Variants in CNOT2 observed in about 807,000 individuals in gnomAD.
The protein encoded by CNOT2 is CCR4-NOT transcription complex subunit 2, also known as CC chemokine receptor 4-negative regulator of transcription 2.
A neutral mutation model predicts 72.1 loss-of-function variants in CNOT2; 7 were observed. The observed-to-expected ratio is 0.10, with a 90% confidence interval of 0.06 to 0.18. CNOT2 has a LOEUF of 0.18. CNOT2 is among the 10% of genes least tolerant of loss of function. CNOT2 has a pLI of 1.00. For synonymous variants in CNOT2, 196 were observed against 225.6 expected, an observed-to-expected ratio of 0.87 and a Z score of 1.17; for missense variants, 345 against 660.3, an observed-to-expected ratio of 0.52 and a Z score of 5.23.
intron 4 of CNOT2, among the ~76,000 whole-genome samples, chr12:70,325,813 A>C (rs767269132): frequency 6.6e-6 from 1 of 151,858 alleles, no homozygotes; most frequent in Non-Finnish European, 1.5e-5. Flanking sequence ...TTAAGGCATC[A>C]GTTAAGGACT....
At chr12:70,327,587 C>T (rs568836682) in intron 4 of CNOT2, 5 of 151,522 alleles carry the variant, frequency 3.3e-5, no homozygotes, top group South Asian at 2.1e-4. Flanking sequence ...AGATCCCTTC[C>T]GGCTCTAAAA....
At chr12:70,315,139 C>T (rs1422487488) in intron 3 of CNOT2, among the ~76,000 whole-genome samples, 2 of 152,166 alleles carry the variant, frequency 1.3e-5, no homozygotes, top group Non-Finnish European at 2.9e-5. Context: ...GCTGGGATTA[C>T]AGGTGTGAGC....
At chr12:70,337,292 C>A in intron 8 of CNOT2, 97 bp from the exon 9 acceptor site, 2 of 991,386 alleles carry the variant, frequency 2.0e-6, no homozygotes, top group Non-Finnish European at 3.0e-6. Flanking sequence ...AAAAAGAAAC[C>A]TTTTGGTGTA....
At chr12:70,335,934 T>C (rs1880621264) in intron 8 of CNOT2, 1 of 164,412 alleles carries the variant, frequency 6.1e-6, no homozygotes, top group African/African-American at 2.4e-5. Flanking sequence ...TGGTGATTAA[T>C]AATGACTGAC....
intron 3 of CNOT2, among the ~76,000 whole-genome samples, chr12:70,317,061 T>G (rs1877463034): frequency 6.6e-6 from 1 of 152,178 alleles, no homozygotes; most frequent in Admixed American, 6.6e-5. Flanking sequence ...CTGTACTTTT[T>G]CATTTATAGC....
intron 11 of CNOT2, among the ~76,000 whole-genome samples, chr12:70,340,780 C>G (rs1353339125): frequency 6.6e-6 from 1 of 152,002 alleles, no homozygotes; most frequent in Admixed American, 6.6e-5. Context: ...TACCCCTTCC[C>G]GTACAATCTC....
In CNOT2 at chr12:70,332,888, A is replaced by G. The variant is rs372797900; in HGVS notation, c.649+42A>G. The G allele has an allele frequency of 2.4e-5, 37 of 1,536,722 alleles. No homozygotes were observed. The African/African-American group carries it at 4.7e-4, about 19-fold the overall frequency. On this transcript the variant is annotated intron_variant, in intron 7 of 15. Transcript: ENST00000229195. Reference sequence around the variant, plus strand: ...GCTAGTACCCTACAAAAAGTATGATAGATTTATGAAATATAAAGCAATTCA... The same window carrying G: ...GCTAGTACCCTACAAAAAGTATGATGGATTTATGAAATATAAAGCAATTCA...
At chr12:70,351,023 T>C (rs982347117) in intron 15 of CNOT2, among the ~76,000 whole-genome samples, 1 of 152,228 alleles carries the variant, frequency 6.6e-6, no homozygotes, top group African/African-American at 2.4e-5. Context: ...TAGCCTAATT[T>C]TATTAATAGA....
chr12:70,346,896 C>T (rs17108033), intron 15 of CNOT2, among the ~76,000 whole-genome samples: 4 of 151,386 alleles, frequency 2.6e-5, no homozygotes, highest in Admixed American at 6.6e-5. Context: ...CCTTTCTAAC[C>T]GTCCCATGTG....
intron 1 of CNOT2, among the ~76,000 whole-genome samples, chr12:70,250,507 C>T (rs891655929): frequency 6.6e-6 from 1 of 151,918 alleles, no homozygotes; most frequent in African/African-American, 2.4e-5. Flanking sequence ...TCTCCACCTT[C>T]ATTAATGTAA....
intron 3 of CNOT2, among the ~76,000 whole-genome samples, chr12:70,318,219 A>G (rs75672246): frequency 0.095 from 14,495 of 151,814 alleles, 897 homozygotes; most frequent in Middle Eastern, 0.19. Flanking sequence ...TTTTATTGCT[A>G]TAGTTGGTAG....
chr12:70,276,248 G>C (rs1388239604), intron 1 of CNOT2, among the ~76,000 whole-genome samples: 1 of 151,896 alleles, frequency 6.6e-6, no homozygotes, highest in Non-Finnish European at 1.5e-5. Flanking sequence ...TAATTAGGTT[G>C]TATTAAAGAT....
Position 70,338,538 on chromosome 12 carries a change from A to G in CNOT2, c.996A>G (p.Lys332=). 6.2e-7 allele frequency: 1 copy of G among 1,613,180 alleles called. No individual in the cohort carries two copies. The highest frequency in any genetic ancestry group is 8.5e-7 in the Non-Finnish European group (1 of 1,179,512). ...SSTTQNNNQQ[K]KGIQVLPDGR... ...CAACACAAAATAATAACCAGCAGAA[A>G]AAAGGGATCCAGGTGTTACCTGATG... Residue 332 remains lysine, a synonymous_variant, in exon 10 of 16, where the codon AAA becomes AAG. Transcript: ENST00000229195.
rs1285850497 is a variant in CNOT2, at chr12:70,341,910, G to C, written c.1179-197G>C. The C allele has an allele frequency of 8.3e-6, 5 of 604,554 alleles. No homozygotes were observed. The East Asian group carries it at 1.1e-4, about 13-fold the overall frequency. 37.4% of individuals were successfully genotyped at this position (604,554 alleles called of 1,614,324 possible). ...CTGTATTGCAAGAATACTGAGGGAA[G>C]GAGTCCTATCATATTTTACAGACAC... is the stretch of plus-strand genomic sequence containing the variant. On this transcript the variant is annotated intron_variant, in intron 11 of 15. Coordinates refer to ENST00000229195, the MANE Select transcript of CNOT2 (RefSeq NM_014515.7).
At chr12:70,277,497 A>G (rs1869045255) in intron 1 of CNOT2, among the ~76,000 whole-genome samples, 1 of 152,166 alleles carries the variant, frequency 6.6e-6, no homozygotes, top group Admixed American at 6.5e-5. Context: ...CTATTGGAGT[A>G]TGCATGAAAT....
chr12:70,264,506 T>G (rs1275874954), intron 1 of CNOT2, among the ~76,000 whole-genome samples: 1 of 152,214 alleles, frequency 6.6e-6, no homozygotes, highest in Non-Finnish European at 1.5e-5. Flanking sequence ...TACCTATCCC[T>G]GTGTGTAACC....
intron 2 of CNOT2, among the ~76,000 whole-genome samples, chr12:70,299,347 A>G (rs1007026109): frequency 6.6e-6 from 1 of 151,508 alleles, no homozygotes; most frequent in South Asian, 2.1e-4. Context: ...AGCATTAGGT[A>G]TAGCTGCTAA....
At chr12:70,244,248 C>T (rs1163733273) in intron 1 of CNOT2, 3 of 152,166 alleles carry the variant, frequency 2.0e-5, no homozygotes, top group African/African-American at 7.2e-5. Flanking sequence ...GCGGAGGAAC[C>T]ACAGACGCTT....
intron 1 of CNOT2, among the ~76,000 whole-genome samples, chr12:70,259,510 C>A (rs780572363): frequency 6.6e-6 from 1 of 152,132 alleles, no homozygotes; most frequent in Non-Finnish European, 1.5e-5. Flanking sequence ...TTCACTGATT[C>A]CATGGAGACC....
Sources: allele counts gnomAD v4.1 joint callset (sites outside exome capture counted in the v4.1 genomes callset), GRCh38; gene constraint gnomAD v4.1.1; transcripts MANE v1.5; gene names NCBI Gene and HGNC (gene_info 2026-07-23, HGNC 2026-07-21).